Variants in MAP7 observed in about 807,000 individuals in gnomAD.
MAP7 encodes microtubule associated protein 7, also known as ensconsin.
In MAP7, 52 loss-of-function variants were observed where a neutral mutation model predicts 94.8. The observed-to-expected ratio is 0.55, with a 90% CI of 0.44 to 0.69. The LOEUF (loss-of-function observed/expected upper bound fraction) is 0.69, where lower values mean the gene tolerates loss of function less well. Ranked by LOEUF, MAP7 falls within the 30% of genes least tolerant of loss-of-function variation. The pLI is 0.00. For synonymous variants in MAP7, 350 were observed against 357.0 expected (o/e 0.98, Z 0.22); for missense variants, 940 against 964.6 (o/e 0.97, Z 0.34).
At chr6:136,534,771 T>G (rs1243233444) in intron 1 of MAP7, among the ~76,000 whole-genome samples, 1 of 152,204 alleles carries the variant, frequency 6.6e-6, no homozygotes, top group Non-Finnish European at 1.5e-5. Flanking sequence ...CTGGTGAGCT[T>G]AAAAGCATTA....
At chr6:136,462,080 C>T (rs191752460) in intron 1 of MAP7, among the ~76,000 whole-genome samples, 3 of 151,592 alleles carry the variant, frequency 2.0e-5, no homozygotes, top group East Asian at 1.9e-4. Context: ...CTTGTAGTCC[C>T]AGCTGCTCAG....
intron 1 of MAP7, among the ~76,000 whole-genome samples, chr6:136,433,828 G>T (rs1238528176): frequency 6.6e-6 from 1 of 152,214 alleles, no homozygotes; most frequent in African/African-American, 2.4e-5. Flanking sequence ...ACACTTCCTG[G>T]CCAACTCCAT....
intron 1 of MAP7, among the ~76,000 whole-genome samples, chr6:136,529,478 C>T (rs1240733262): frequency 1.3e-5 from 2 of 152,188 alleles, no homozygotes; most frequent in African/African-American, 2.4e-5. Context: ...CACAACTATC[C>T]TTGCATGTCA....
intron 16 of MAP7, among the ~76,000 whole-genome samples, chr6:136,352,571 A>C (rs149666847): frequency 9.3e-4 from 141 of 152,228 alleles, no homozygotes; most frequent in African/African-American, 3.2e-3. Flanking sequence ...AGCCAAACCA[A>C]AATCATAGTT....
intron 16 of MAP7, among the ~76,000 whole-genome samples, chr6:136,354,433 GAT>G (rs542257032): frequency 9.3e-4 from 130 of 139,236 alleles, no homozygotes; most frequent in African/African-American, 2.5e-3. Flanking sequence ...ATATATAGTA[GAT>G]ATATATATAT....
intron 1 of MAP7, among the ~76,000 whole-genome samples, chr6:136,467,129 C>G (rs538539542): frequency 3.3e-5 from 5 of 152,152 alleles, no homozygotes; most frequent in Non-Finnish European, 4.4e-5. Flanking sequence ...AGCTCGGTCT[C>G]AGGGATTCAA....
intron 10 of MAP7, 114 bp downstream of exon 10, chr6:136,365,621 A>G (rs904016924): frequency 3.9e-5 from 43 of 1,114,644 alleles, no homozygotes; most frequent in Non-Finnish European, 4.8e-5. Flanking sequence ...TTAACCTTAG[A>G]GTAAAATTTC....
At chr6:136,497,797 C>CAAAAAAAAAAAA (rs1199112585) in intron 1 of MAP7, among the ~76,000 whole-genome samples, 1 of 46,568 alleles carries the variant, frequency 2.1e-5, no homozygotes, top group African/African-American at 6.7e-5. Context: ...GACTCTGTCA[C>CAAAAAAAAAAAA]AAAAAAAAAA....
intron 1 of MAP7, among the ~76,000 whole-genome samples, chr6:136,456,878 T>G (rs1158015254): frequency 2.2e-5 from 2 of 88,930 alleles, no homozygotes; most frequent in African/African-American, 8.4e-5. Flanking sequence ...GAAGAAATAC[T>G]TCAAATAAAA....
chr6:136,411,501 A>G lies in MAP7; in HGVS notation c.244+119T>C, dbSNP rs944218792. 133 of 793,330 alleles carry G rather than the reference A, an allele frequency of 1.7e-4. 1 individual carries two copies. The highest frequency in any genetic ancestry group is 1.6e-4 in the African/African-American group (9 of 57,072). 49.1% of individuals were successfully genotyped at this position (793,330 alleles called of 1,614,324 possible). On this transcript the variant is annotated intron_variant, in intron 3 of 17. Coordinates refer to ENST00000354570, the MANE Select transcript of MAP7 (RefSeq NM_003980.6). ...CTTATCCCTATGTTTATATTTTATC[A>G]TCACATACTAAATTCTGCCTCATAG... is the stretch of plus-strand genomic sequence containing the variant.
intron 1 of MAP7, among the ~76,000 whole-genome samples, chr6:136,463,619 G>GT (rs1312132559): frequency 1.3e-5 from 2 of 152,054 alleles, no homozygotes; most frequent in Non-Finnish European, 2.9e-5. Flanking sequence ...AACTTGCATT[G>GT]TTTTTTAGTT....
intron 1 of MAP7, among the ~76,000 whole-genome samples, chr6:136,446,505 A>T (rs993412951): frequency 1.3e-5 from 2 of 152,182 alleles, no homozygotes; most frequent in African/African-American, 4.8e-5. Context: ...TCATTAAATC[A>T]TTTGCCATTG....
At chr6:136,434,191 C>T (rs780670611) in intron 1 of MAP7, among the ~76,000 whole-genome samples, 2 of 151,610 alleles carry the variant, frequency 1.3e-5, no homozygotes, top group African/African-American at 2.4e-5. Flanking sequence ...CCTGTAAACC[C>T]AGCTACTCGG....
chr6:136,354,213 T>A (rs1442401599), intron 16 of MAP7, among the ~76,000 whole-genome samples: 2 of 145,416 alleles, frequency 1.4e-5, no homozygotes, highest in Non-Finnish European at 3.0e-5. Context: ...ATAAATTTCC[T>A]TTATATAAAT....
chr6:136,392,792 T>C (rs1182147637), intron 3 of MAP7, among the ~76,000 whole-genome samples: 1 of 152,326 alleles, frequency 6.6e-6, no homozygotes, highest in Non-Finnish European at 1.5e-5. Context: ...CCTTGAGATA[T>C]GCAGTATGAT....
chr6:136,483,404 G>T (rs1238465526), intron 1 of MAP7, among the ~76,000 whole-genome samples: 1 of 151,872 alleles, frequency 6.6e-6, no homozygotes, highest in African/African-American at 2.4e-5. Context: ...ACTACCTATT[G>T]GGTACCATGC....
chr6:136,446,618 C>T (rs1180270799), intron 1 of MAP7, among the ~76,000 whole-genome samples: 2 of 152,144 alleles, frequency 1.3e-5, no homozygotes, highest in Admixed American at 6.5e-5. Flanking sequence ...TTCCTATGAC[C>T]AGCTCCAACC....
At chr6:136,548,097 A>ACCCCCCCCCCCCCCCCC (rs1250343885) in intron 1 of MAP7, among the ~76,000 whole-genome samples, 1 of 44,880 alleles carries the variant, frequency 2.2e-5, no homozygotes, top group Non-Finnish European at 5.1e-5. Context: ...CACCACCACC[A>ACCCCCCCCCCCCCCCCC]CCCCCCCCCA....
At position 136,359,832 on chromosome 6, in the gene MAP7, T is replaced by G. The variant is rs1479311956; in HGVS notation, c.1900A>C (p.Thr634Pro). The G allele has an allele frequency of 6.2e-7, 1 of 1,612,760 alleles. No homozygotes were observed. The highest frequency in any genetic ancestry group is 1.3e-5 in the African/African-American group (1 of 74,876). Residue 634 changes from threonine (T) to proline (P), a missense_variant, in exon 15 of 18, where the codon ACT becomes CCT. Transcript: ENST00000354570. ...RNGDIAKGALTGGTEVSALPC... is the reference protein window; with the variant it reads ...RNGDIAKGALPGGTEVSALPC... ...TTGACAGAAATACCTGTTCCTCCAGTGAGAGCTCCCTTGGCTATATCACCG... is the reference window on the plus strand; with the variant it reads ...TTGACAGAAATACCTGTTCCTCCAGGGAGAGCTCCCTTGGCTATATCACCG...
Sources: gnomAD v4.1 joint callset for allele counts (sites outside exome capture counted in the v4.1 genomes callset) on GRCh38, gnomAD v4.1.1 for gene constraint, MANE v1.5 for transcripts, NCBI Gene and HGNC (gene_info 2026-07-23, HGNC 2026-07-21) for gene names.